The following PRKN variants were observed in gnomAD, a reference collection of about 807,000 sequenced individuals.
The protein encoded by PRKN is E3 ubiquitin-protein ligase parkin.
In PRKN, 56 loss-of-function variants were observed where a neutral mutation model predicts 59.5. That is an observed-to-expected ratio of 0.94 (90% CI 0.76 to 1.18). The LOEUF (loss-of-function observed/expected upper bound fraction) is 1.18. Ranked by LOEUF, PRKN falls within the 50% of genes most tolerant of loss-of-function variation. The probability of loss-of-function intolerance (pLI) is 0.00; values close to 1 mark genes in which losing one functional copy is unlikely to be tolerated. For missense variants in PRKN, 657 were observed against 596.4 expected, an observed-to-expected ratio of 1.10 and a Z score of -1.06; for synonymous variants, 250 against 222.1, an observed-to-expected ratio of 1.13 and a Z score of -1.12.
chr6:162,208,193 C>G (rs1470114234), intron 3 of PRKN, among the ~76,000 whole-genome samples: 3 of 152,166 alleles, frequency 2.0e-5, no homozygotes, highest in Admixed American at 1.3e-4. Flanking sequence ...CAAACCTTGT[C>G]CAATAGGTTA....
intron 7 of PRKN, among the ~76,000 whole-genome samples, chr6:161,622,317 G>T (rs186657722): frequency 2.0e-5 from 3 of 152,280 alleles, no homozygotes; most frequent in Non-Finnish European, 4.4e-5. Context: ...TCCTGGGCAC[G>T]CAGGTCTGCC....
chr6:162,203,098 A>T (rs1784797958), intron 3 of PRKN, among the ~76,000 whole-genome samples: 1 of 152,186 alleles, frequency 6.6e-6, no homozygotes, highest in African/African-American at 2.4e-5. Flanking sequence ...TAAAAGAAGC[A>T]TCTCAGAAAT....
At chr6:162,420,810 C>T (rs1210440945) in intron 2 of PRKN, among the ~76,000 whole-genome samples, 1 of 152,172 alleles carries the variant, frequency 6.6e-6, no homozygotes, top group Non-Finnish European at 1.5e-5. Flanking sequence ...ACAGTTTTAA[C>T]GGCTTACCTC....
intron 10 of PRKN, among the ~76,000 whole-genome samples, chr6:161,370,307 G>A (rs898976458): frequency 1.3e-5 from 2 of 151,748 alleles, no homozygotes; most frequent in African/African-American, 4.8e-5. Context: ...GAATTAGGCT[G>A]GGCACGGTGG....
intron 7 of PRKN, among the ~76,000 whole-genome samples, chr6:161,647,595 AT>A (rs34864910): frequency 0.73 from 109,324 of 150,572 alleles, 41,381 homozygotes; most frequent in African/African-American, 0.93. Context: ...CCTTGTCAAC[AT>A]TTTTTTTTTT....
At chr6:161,731,036 G>T (rs1017861772) in intron 7 of PRKN, among the ~76,000 whole-genome samples, 1 of 150,618 alleles carries the variant, frequency 6.6e-6, no homozygotes, top group Admixed American at 6.6e-5. Context: ...CTGATATCTT[G>T]CAGTCTGATA....
chr6:162,638,948 G>T (rs1048553639), intron 1 of PRKN, among the ~76,000 whole-genome samples: 1 of 151,938 alleles, frequency 6.6e-6, no homozygotes, highest in African/African-American at 2.4e-5. Context: ...GTTTCACTAT[G>T]TTAGCCAGGC....
chr6:162,527,468 T>C (rs1275373921), intron 1 of PRKN, among the ~76,000 whole-genome samples: 2 of 152,188 alleles, frequency 1.3e-5, no homozygotes, highest in African/African-American at 4.8e-5. Flanking sequence ...AATCACTTCA[T>C]ACTGGGAATA....
intron 4 of PRKN, among the ~76,000 whole-genome samples, chr6:162,076,449 C>T (rs1232106764): frequency 1.3e-5 from 2 of 152,134 alleles, no homozygotes; most frequent in Non-Finnish European, 2.9e-5. Flanking sequence ...TGAGCCTTTT[C>T]ACTTCAAGAT....
intron 7 of PRKN, among the ~76,000 whole-genome samples, chr6:161,717,604 T>C (rs1333825132): frequency 6.6e-6 from 1 of 152,212 alleles, no homozygotes; most frequent in Non-Finnish European, 1.5e-5. Flanking sequence ...CCGGTGTTCC[T>C]AATTCGTGAA....
At position 162,217,583 on chromosome 6, in the gene PRKN, G is replaced by A. The variant is rs779654552; in HGVS notation, c.413-16331C>T. Reference sequence around the variant, plus strand: ...GTGTGTGTATTTTTAGTAGAGATGGGGTTTCACCATGTTGGTCAGGCTGGT... The same window carrying A: ...GTGTGTGTATTTTTAGTAGAGATGGAGTTTCACCATGTTGGTCAGGCTGGT... On this transcript the variant is annotated intron_variant, in intron 3 of 11. Coordinates refer to ENST00000366898, the MANE Select transcript of PRKN (RefSeq NM_004562.3). Among the ~76,000 whole-genome samples, 12 of 152,030 alleles carry A rather than the reference G, an allele frequency of 7.9e-5. 1 individual carries two copies. The highest frequency in any genetic ancestry group is 6.2e-4 in the South Asian group (3 of 4,822).
At chr6:162,687,162 G>A (rs1777595970) in intron 1 of PRKN, among the ~76,000 whole-genome samples, 1 of 150,508 alleles carries the variant, frequency 6.6e-6, no homozygotes, top group African/African-American at 2.4e-5. Context: ...TCTGATCTAT[G>A]ATTAGAGTTA....
rs190990193 is a variant in PRKN at position 161,537,673 on chromosome 6, G to A, written c.1083+11181C>T. Among the ~76,000 whole-genome samples, 820 of 152,174 alleles carry A rather than the reference G, an allele frequency of 5.4e-3. 7 individuals are homozygous for A. Among genetic ancestry groups the A allele is most frequent in the South Asian group, 0.02 (99 of 4,832 alleles). ...TCACCATGTTAGCCTGGATGGTCTCGATCTCCTGACCTCGTGATCCGCCCG... is the reference window on the plus strand; with the variant it reads ...TCACCATGTTAGCCTGGATGGTCTCAATCTCCTGACCTCGTGATCCGCCCG... On this transcript the variant is annotated intron_variant, in intron 9 of 11. Transcript: ENST00000366898.
At chr6:162,165,075 G>C (rs1435855312) in intron 4 of PRKN, among the ~76,000 whole-genome samples, 2 of 148,578 alleles carry the variant, frequency 1.3e-5, no homozygotes, top group Non-Finnish European at 3.0e-5. Flanking sequence ...TACATGACAT[G>C]GTCATTTGAT....
At chr6:161,874,094 T>A (rs545187626) in intron 6 of PRKN, among the ~76,000 whole-genome samples, 36 of 25,240 alleles carry the variant, frequency 1.4e-3, no homozygotes, top group South Asian at 3.1e-3. Context: ...ATATAATATA[T>A]AATATATATT....
At chr6:162,009,229 G>T (rs532069707) in intron 5 of PRKN, among the ~76,000 whole-genome samples, 2 of 151,812 alleles carry the variant, frequency 1.3e-5, no homozygotes, top group Non-Finnish European at 2.9e-5. Context: ...CTCTAGCCTG[G>T]GTGACAGAGC....
intron 1 of PRKN, among the ~76,000 whole-genome samples, chr6:162,643,119 C>T (rs1039347147): frequency 1.3e-5 from 2 of 152,010 alleles, no homozygotes; most frequent in South Asian, 2.1e-4. Context: ...AACAAGCAGC[C>T]GGGCGCGGTG....
chr6:161,874,855 A>C (rs1216504817), intron 6 of PRKN, among the ~76,000 whole-genome samples: 16 of 72,224 alleles, frequency 2.2e-4, no homozygotes, highest in Middle Eastern at 0.017. Context: ...AATATATAAA[A>C]TATATATAAA....
chr6:162,477,387 C>T (rs1300948191), intron 1 of PRKN, among the ~76,000 whole-genome samples: 4 of 152,270 alleles, frequency 2.6e-5, no homozygotes, highest in Middle Eastern at 6.8e-3. Flanking sequence ...AGAACTTCCA[C>T]GCGTGGGACT....
Sources: gnomAD v4.1 joint callset for allele counts (sites outside exome capture counted in the v4.1 genomes callset) on GRCh38, gnomAD v4.1.1 for gene constraint, MANE v1.5 for transcripts, NCBI Gene and HGNC (gene_info 2026-07-23, HGNC 2026-07-21) for gene names.